The following KIFC3 variants were observed in gnomAD, a reference collection of about 807,000 sequenced individuals.
KIFC3 encodes kinesin family member C3.
KIFC3 carries 60 observed loss-of-function variants against 101.8 expected under a neutral mutation model. The ratio of observed to expected loss-of-function variants is 0.59; its 90% CI spans 0.48 to 0.73. KIFC3 has a LOEUF of 0.73. KIFC3 is among the 30% of genes least tolerant of loss of function. The pLI is 0.00. For missense variants in KIFC3, 966 were observed against 1,137.1 expected (o/e 0.85, Z 2.16); for synonymous variants, 476 against 482.7 (o/e 0.99, Z 0.18).
chr16:57,851,669 T>C (rs1019607358), intron 1 of KIFC3, among the ~76,000 whole-genome samples: 8 of 150,590 alleles, frequency 5.3e-5, no homozygotes, highest in African/African-American at 1.7e-4. Flanking sequence ...CAGGTTCAAG[T>C]GATTCTCCTG....
chr16:57,860,017 GTC>G (rs1307870789), intron 1 of KIFC3, among the ~76,000 whole-genome samples: 2 of 76,634 alleles, frequency 2.6e-5, no homozygotes, highest in African/African-American at 7.1e-5. Context: ...GTGAGACTCT[GTC>G]TCAAAAATAA....
At chr16:57,801,875 C>G (rs1207975240) in intron 1 of KIFC3, among the ~76,000 whole-genome samples, 1 of 152,262 alleles carries the variant, frequency 6.6e-6, no homozygotes. Context: ...TTCCTCACTG[C>G]CCGGAGGGCA....
At chr16:57,759,631 A>G (rs897347708) in intron 18 of KIFC3, 97 bp downstream of exon 18, 2 of 941,840 alleles carry the variant, frequency 2.1e-6, no homozygotes, top group African/African-American at 1.7e-5. Context: ...AGAACTTTTT[A>G]AAAAGGAAAG....
intron 18 of KIFC3, chr16:57,759,365 G>A: frequency 1.6e-6 from 1 of 619,986 alleles, no homozygotes; most frequent in Non-Finnish European, 2.8e-6. Flanking sequence ...CTACCCCCGG[G>A]GCAGCTGAGG....
rs556132864 is a variant in KIFC3, at chr16:57,861,331, G to A, written c.108+1398C>T. Among the ~76,000 whole-genome samples the A allele has an allele frequency of 1.8e-3, 273 of 152,290 alleles. 6 individuals carry two copies. Among genetic ancestry groups the A allele is most frequent in the Admixed American group, 0.017 (265 of 15,290 alleles). On this transcript the variant is annotated intron_variant, in intron 1 of 2. Transcript: ENST00000563028. ...CCAACAGTACCAACCCCCTGGAAAT[G>A]GGGAATGCTACCCAGCAGGATTGGC...
At chr16:57,815,296 C>T (rs1000060520) in intron 1 of KIFC3, 6 of 417,506 alleles carry the variant, frequency 1.4e-5, no homozygotes, top group Non-Finnish European at 2.1e-5. Flanking sequence ...GGGAGGCTGA[C>T]TGGAGGCAGA....
In KIFC3 at chr16:57,785,178, G is replaced by A. The variant is rs148962612; in HGVS notation, c.315+9821C>T. Among the ~76,000 whole-genome samples, 4 of 152,268 alleles carry A rather than the reference G, an allele frequency of 2.6e-5. No individual in the cohort carries two copies. In the East Asian group the frequency reaches 7.8e-4, roughly 30 times the overall value. On this transcript the variant is annotated intron_variant, in intron 3 of 19. Transcript: ENST00000445690. Reference sequence around the variant, plus strand: ...CCACTCACATCTACGTCACCTCCTAGTGGGGAAGGTCCTGGCCCCTGGTAA... The same window carrying A: ...CCACTCACATCTACGTCACCTCCTAATGGGGAAGGTCCTGGCCCCTGGTAA...
intron 1 of KIFC3, chr16:57,816,545 G>A (rs1055017821): frequency 6.6e-6 from 3 of 456,780 alleles, no homozygotes; most frequent in Non-Finnish European, 1.3e-5. Context: ...CACGGGCTGC[G>A]AGTGACAGCT....
At chr16:57,782,123 G>A (rs1568008636) in intron 3 of KIFC3, 1 of 985,486 alleles carries the variant, frequency 1.0e-6, no homozygotes, top group East Asian at 1.1e-4. Flanking sequence ...CAGGAGACCA[G>A]GGCACACGGG....
At position 57,764,157 on chromosome 16, in the gene KIFC3, T is replaced by A. The variant is rs1338967799; in HGVS notation, c.1603A>T (p.Thr535Ser). 6 of 1,612,510 alleles carry A rather than the reference T, an allele frequency of 3.7e-6. No homozygotes were observed. The highest frequency in any genetic ancestry group is 5.1e-6 in the Non-Finnish European group (6 of 1,179,698). Reference sequence around the variant, plus strand: ...GCAGCACCCACCTCCATCGTGTACGTCTTGCCGGCGCCCGTCTGGCCGTAC... The same window carrying A: ...GCAGCACCCACCTCCATCGTGTACGACTTGCCGGCGCCCGTCTGGCCGTAC... ...FAYGQTGAGK[T>S]YTMEGTAENP... is the part of the protein sequence containing the mutation. The change falls in exon 12 of 20, where the codon ACG (threonine) becomes TCG (serine). Residue 535 changes from threonine (T) to serine (S), a missense_variant. Coordinates refer to ENST00000445690, the MANE Select transcript of KIFC3 (RefSeq NM_001130100.2).
chr16:57,831,420 C>A (rs1468000427), intron 1 of KIFC3, among the ~76,000 whole-genome samples: 10 of 152,212 alleles, frequency 6.6e-5, no homozygotes, highest in African/African-American at 2.4e-4. Flanking sequence ...CGGCTCATGC[C>A]TGTAATACCA....
chr16:57,785,399 G>T, intron 3 of KIFC3: 1 of 1,036,758 alleles, frequency 9.6e-7, no homozygotes, highest in Non-Finnish European at 1.2e-6. Flanking sequence ...AGGTGCCCAG[G>T]TGATGTCCTC....
rs782203704 is a variant in KIFC3, at chr16:57,761,149, T to C, written c.1895A>G (p.Asn632Ser). The C allele has an allele frequency of 1.9e-6, 3 of 1,613,916 alleles. No individual in the cohort carries two copies. Among genetic ancestry groups the C allele is most frequent in the Non-Finnish European group, 2.5e-6 (3 of 1,179,950 alleles). ...CAGGTTGGTGAACTCGGTCGTGCGATTAGTGTGGCCAAACTCAAACACCTG... is the reference window on the plus strand; with the variant it reads ...CAGGTTGGTGAACTCGGTCGTGCGACTAGTGTGGCCAAACTCAAACACCTG... ...INKVFEFGHT[N>S]RTTEFTNLNE... The change falls in exon 15 of 20, where the codon AAT (asparagine) becomes AGT (serine). Residue 632 changes from asparagine to serine, a missense_variant. Transcript: ENST00000445690.
chr16:57,760,560 G>A (rs1567924761), intron 16 of KIFC3, 144 bp from the exon 17 acceptor site: 2 of 1,162,882 alleles, frequency 1.7e-6, no homozygotes, highest in Non-Finnish European at 1.2e-6. Flanking sequence ...CATGGCAGAG[G>A]TGCTGTGGTC....
chr16:57,777,972 C>A (rs2052313962), intron 3 of KIFC3, among the ~76,000 whole-genome samples: 1 of 152,032 alleles, frequency 6.6e-6, no homozygotes, highest in South Asian at 2.1e-4. Context: ...TTACCTTATA[C>A]CATATACAAA....
intron 3 of KIFC3, among the ~76,000 whole-genome samples, chr16:57,780,836 G>A (rs1257003928): frequency 1.3e-5 from 2 of 151,426 alleles, no homozygotes; most frequent in Admixed American, 6.6e-5. Context: ...CACCATGCCC[G>A]GCTAATTTTT....
chr16:57,804,899 G>C (rs1197623991), upstream of KIFC3, among the ~76,000 whole-genome samples: 1 of 125,582 alleles, frequency 8.0e-6, no homozygotes, highest in Non-Finnish European at 1.6e-5. Flanking sequence ...CACTGTGCCT[G>C]ACTCAATTTT....
Position 57,795,157 on chromosome 16 carries a change from G to A in KIFC3, c.173-16C>T. 9 of 1,604,740 alleles carry A rather than the reference G, an allele frequency of 5.6e-6. No individual in the cohort carries two copies. Among genetic ancestry groups the A allele is most frequent in the Non-Finnish European group, 6.8e-6 (8 of 1,176,362 alleles). On this transcript the variant is annotated splice_polypyrimidine_tract_variant and intron_variant, in intron 2 of 19. Coordinates refer to ENST00000445690, the MANE Select transcript of KIFC3 (RefSeq NM_001130100.2). ...TTTCCACGCCCTGTCCCAGGACAGA[G>A]AGATAGGTGAGACACTCCGACCACT... is the stretch of plus-strand genomic sequence containing the variant.
At chr16:57,815,433 C>G in intron 1 of KIFC3, 3 of 1,187,046 alleles carry the variant, frequency 2.5e-6, no homozygotes, top group Non-Finnish European at 3.2e-6. Flanking sequence ...GGATCCCCTC[C>G]AAGCATTTTC....
Sources: allele counts gnomAD v4.1 joint callset (sites outside exome capture counted in the v4.1 genomes callset), GRCh38; gene constraint gnomAD v4.1.1; transcripts MANE v1.5; gene names NCBI Gene and HGNC (gene_info 2026-07-23, HGNC 2026-07-21).